Variants in MTUS2 observed in about 807,000 individuals in gnomAD.
The protein encoded by MTUS2 is microtubule-associated tumor suppressor candidate 2.
A neutral mutation model predicts 114.1 loss-of-function variants in MTUS2; 40 were observed. The ratio of observed to expected loss-of-function variants is 0.35; its 90% CI spans 0.27 to 0.46. The LOEUF (loss-of-function observed/expected upper bound fraction) is 0.46. MTUS2 is among the 20% of genes least tolerant of loss of function. The pLI, the probability that MTUS2 is intolerant of heterozygous loss-of-function variation, is 1.00. For missense variants in MTUS2, 1,679 were observed against 1,705.4 expected (o/e 0.98, Z 0.27); for synonymous variants, 688 against 672.0 (o/e 1.02, Z -0.37).
intron 5 of MTUS2, among the ~76,000 whole-genome samples, chr13:29,126,944 G>GT (rs1313122258): frequency 1.3e-5 from 2 of 152,218 alleles, no homozygotes; most frequent in Non-Finnish European, 2.9e-5. Context: ...ACACTGGACA[G>GT]TGGTGGGCAT....
intron 4 of MTUS2, among the ~76,000 whole-genome samples, chr13:29,050,852 A>G (rs571271477): frequency 6.6e-6 from 1 of 152,312 alleles, no homozygotes; most frequent in Admixed American, 6.5e-5. Context: ...AACACACACA[A>G]AAGCCTTGAG....
intron 5 of MTUS2, among the ~76,000 whole-genome samples, chr13:29,203,268 G>T (rs1288581311): frequency 6.6e-6 from 1 of 152,174 alleles, no homozygotes; most frequent in Non-Finnish European, 1.5e-5. Flanking sequence ...CACTGAGGTG[G>T]GCTCCGCCCA....
chr13:29,491,732 G>A (rs1184434516), intron 11 of MTUS2, among the ~76,000 whole-genome samples: 1 of 135,004 alleles, frequency 7.4e-6, no homozygotes, highest in Non-Finnish European at 1.6e-5. Context: ...GGTGTGTGTG[G>A]GGCGTGTGGG....
intron 2 of MTUS2, among the ~76,000 whole-genome samples, chr13:29,007,321 C>T (rs1440389025): frequency 6.6e-6 from 1 of 152,100 alleles, no homozygotes; most frequent in Non-Finnish European, 1.5e-5. Flanking sequence ...CATTTCAACT[C>T]CTACTCCCCA....
chr13:29,442,126 C>T (rs1483549157), intron 9 of MTUS2, among the ~76,000 whole-genome samples: 1 of 152,174 alleles, frequency 6.6e-6, no homozygotes, highest in Non-Finnish European at 1.5e-5. Flanking sequence ...TGCCCCTCCC[C>T]ACCTTGTAGA....
At chr13:29,472,532 G>C (rs1235392820) in intron 9 of MTUS2, among the ~76,000 whole-genome samples, 2 of 152,152 alleles carry the variant, frequency 1.3e-5, no homozygotes, top group Non-Finnish European at 2.9e-5. Flanking sequence ...CCACCAGGGG[G>C]CATTTTTCAG....
intron 8 of MTUS2, among the ~76,000 whole-genome samples, chr13:29,402,944 C>T (rs1455110058): frequency 6.6e-6 from 1 of 151,958 alleles, no homozygotes; most frequent in African/African-American, 2.4e-5. Context: ...ACCATGTTGC[C>T]CAGGATGGTC....
chr13:28,905,458 G>C (rs1450389207), intron 2 of MTUS2, among the ~76,000 whole-genome samples: 1 of 151,536 alleles, frequency 6.6e-6, no homozygotes, highest in African/African-American at 2.4e-5. Context: ...AGAGTTTTTA[G>C]CATGAAGGTT....
rs114774625 is a variant in MTUS2, at chr13:29,438,972, G to A, written c.3118-1011G>A. Reference sequence around the variant, plus strand: ...AACTGTCTGGTCACATTCCACACACGTCCTTCAGAGGTGCTGAAACCAAAG... The same window carrying A: ...AACTGTCTGGTCACATTCCACACACATCCTTCAGAGGTGCTGAAACCAAAG... On this transcript the variant is annotated intron_variant, in intron 8 of 15. Transcript: ENST00000612955. Among the ~76,000 whole-genome samples the A allele has an allele frequency of 3.5e-3, 533 of 152,166 alleles. 6 individuals carry two copies. Among genetic ancestry groups the A allele is most frequent in the African/African-American group, 0.012 (507 of 41,512 alleles).
At chr13:29,349,085 A>G (rs990079299) in intron 7 of MTUS2, among the ~76,000 whole-genome samples, 11 of 151,834 alleles carry the variant, frequency 7.2e-5, no homozygotes, top group African/African-American at 2.7e-4. Flanking sequence ...TTTAACCCAT[A>G]TGTTCTTTCT....
intron 7 of MTUS2, among the ~76,000 whole-genome samples, chr13:29,355,061 A>G (rs1421022548): frequency 1.3e-5 from 2 of 152,276 alleles, no homozygotes; most frequent in African/African-American, 2.4e-5. Flanking sequence ...GTGCTGCACT[A>G]TTTGTTATTG....
intron 2 of MTUS2, among the ~76,000 whole-genome samples, chr13:28,885,098 A>G (rs1878514894): frequency 6.6e-6 from 1 of 152,172 alleles, no homozygotes; most frequent in Non-Finnish European, 1.5e-5. Context: ...AAATTTCTGA[A>G]TGGTAGCTTT....
Position 29,079,999 on chromosome 13 carries a change from TAAC to T in MTUS2, c.2447-20771_2447-20769del, listed in dbSNP as rs573011674. Among the ~76,000 whole-genome samples, 168 of 152,342 alleles carry T rather than the reference TAAC, an allele frequency of 1.1e-3. 1 individual carries two copies. Among genetic ancestry groups the T allele is most frequent in the African/African-American group, 3.9e-3 (162 of 41,588 alleles). ...ATCAATTTGGGGAGTATTGCCATCT[TAAC>T]AATATTAAGACTTCCAATCCATGAA... On this transcript the variant is annotated intron_variant, in intron 4 of 15. Coordinates refer to ENST00000612955, the MANE Select transcript of MTUS2 (RefSeq NM_001033602.4).
At chr13:29,391,449 G>A (rs1873453261) in intron 8 of MTUS2, among the ~76,000 whole-genome samples, 1 of 152,178 alleles carries the variant, frequency 6.6e-6, no homozygotes. Context: ...GGGCATTGCA[G>A]TGCCTGACGG....
intron 9 of MTUS2, among the ~76,000 whole-genome samples, chr13:29,475,130 G>A (rs896927495): frequency 2.6e-5 from 4 of 152,090 alleles, no homozygotes; most frequent in Non-Finnish European, 4.4e-5. Context: ...TAACAACATT[G>A]CAGTCAACAA....
At chr13:29,364,880 C>T (rs993586151) in intron 8 of MTUS2, among the ~76,000 whole-genome samples, 5 of 152,170 alleles carry the variant, frequency 3.3e-5, no homozygotes, top group East Asian at 1.9e-4. Context: ...CACTTATAAA[C>T]GATGCTCTGC....
intron 4 of MTUS2, among the ~76,000 whole-genome samples, chr13:29,047,785 C>T (rs1030283484): frequency 6.6e-6 from 1 of 152,200 alleles, no homozygotes; most frequent in Non-Finnish European, 1.5e-5. Flanking sequence ...GCTGGGATTA[C>T]AGGCGTGAGC....
chr13:29,497,376 C>T, intron 13 of MTUS2, 40 bp downstream of exon 13: 1 of 1,565,306 alleles, frequency 6.4e-7, no homozygotes, highest in South Asian at 1.2e-5. Context: ...CGCAGGAACC[C>T]CGCCCCAGCA....
intron 5 of MTUS2, among the ~76,000 whole-genome samples, chr13:29,182,995 C>T (rs1055077657): frequency 1.3e-5 from 2 of 152,104 alleles, no homozygotes; most frequent in Admixed American, 6.5e-5. Context: ...CTGGGACCCA[C>T]CGAAGGCCCT....
Sources: allele counts gnomAD v4.1 joint callset (sites outside exome capture counted in the v4.1 genomes callset), GRCh38; gene constraint gnomAD v4.1.1; transcripts MANE v1.5; gene names NCBI Gene and HGNC (gene_info 2026-07-23, HGNC 2026-07-21).